Variants in FBXO34 observed in about 807,000 individuals in gnomAD.
The protein encoded by FBXO34 is F-box protein 34.
FBXO34 carries 12 observed loss-of-function variants against 24.5 expected under a neutral mutation model. The observed-to-expected ratio is 0.49, with a 90% CI of 0.31 to 0.79. FBXO34 has a LOEUF of 0.79. Among genes scored for constraint, FBXO34 ranks in the 30% least tolerant of loss-of-function variants. The pLI, the probability that FBXO34 is intolerant of heterozygous loss-of-function variation, is 0.04. For synonymous variants in FBXO34, 320 were observed against 311.9 expected, an observed-to-expected ratio of 1.03 and a Z score of -0.27; for missense variants, 823 against 857.7, an observed-to-expected ratio of 0.96 and a Z score of 0.51.
chr14:55,411,898 T>TA, the FBXO34 span: 7 of 1,340,032 alleles, frequency 5.2e-6, no homozygotes, highest in Non-Finnish European at 7.2e-6. Context: ...AGGAGGGGCC[T>TA]GGGGAAGGGG....
intron 1 of FBXO34, among the ~76,000 whole-genome samples, chr14:55,314,408 C>T (rs1464556867): frequency 1.3e-5 from 2 of 152,278 alleles, no homozygotes; most frequent in Non-Finnish European, 2.9e-5. Flanking sequence ...ACCAAATACA[C>T]ACCTTGGTGT....
the FBXO34 span, chr14:55,380,769 T>G: frequency 1.0e-6 from 1 of 967,172 alleles, no homozygotes; most frequent in South Asian, 1.6e-5. Flanking sequence ...TTATCATTTA[T>G]GATTTTATCA....
the FBXO34 span, among the ~76,000 whole-genome samples, chr14:55,423,360 A>G: frequency 1.3e-5 from 2 of 152,272 alleles, no homozygotes; most frequent in African/African-American, 4.8e-5. Flanking sequence ...TTCTAAGAAC[A>G]AAATGGACAT....
chr14:55,299,236 C>T (rs974014402), intron 1 of FBXO34: 2 of 846,324 alleles, frequency 2.4e-6, no homozygotes, highest in Non-Finnish European at 4.2e-6. Flanking sequence ...AGGAAGACGA[C>T]GACATGAAGG....
the FBXO34 span, among the ~76,000 whole-genome samples, chr14:55,409,069 A>G: frequency 6.6e-6 from 1 of 152,240 alleles, no homozygotes; most frequent in Non-Finnish European, 1.5e-5. Context: ...TCTGACTAAA[A>G]GAAGGGAGAT....
downstream of FBXO34, among the ~76,000 whole-genome samples, chr14:55,362,499 G>T (rs1370500622): frequency 6.6e-6 from 1 of 152,196 alleles, no homozygotes; most frequent in East Asian, 1.9e-4. Context: ...ACGGAGAGGT[G>T]TGACAAAGCA....
At chr14:55,302,446 C>CT (rs199946477) in intron 1 of FBXO34, among the ~76,000 whole-genome samples, 3,851 of 129,240 alleles carry the variant, frequency 0.03, 124 homozygotes, top group Non-Finnish European at 0.045. Flanking sequence ...TCTGTAGCCT[C>CT]TTTTTTGTTT....
intron 1 of FBXO34, among the ~76,000 whole-genome samples, chr14:55,345,724 G>A (rs1195023492): frequency 6.6e-6 from 1 of 152,216 alleles, no homozygotes; most frequent in Non-Finnish European, 1.5e-5. Flanking sequence ...AGGTAGGGCT[G>A]GGTGTGGTGG....
intron 1 of FBXO34, among the ~76,000 whole-genome samples, chr14:55,344,927 G>A (rs1884110728): frequency 6.6e-6 from 1 of 151,802 alleles, no homozygotes; most frequent in East Asian, 1.9e-4. Context: ...TTGCTTTTCT[G>A]TCTCAAGGGC....
chr14:55,288,403 G>A (rs550466779), intron 1 of FBXO34, among the ~76,000 whole-genome samples: 1 of 152,010 alleles, frequency 6.6e-6, no homozygotes, highest in Admixed American at 6.5e-5. Flanking sequence ...CCAAGACTTG[G>A]GCTACTGCAA....
the FBXO34 span, among the ~76,000 whole-genome samples, chr14:55,427,629 G>C: frequency 1.4e-4 from 22 of 152,068 alleles, no homozygotes; most frequent in African/African-American, 4.8e-4. Flanking sequence ...GTATATCTTG[G>C]TGAGTCAAGG....
rs35070799 is a variant in FBXO34, at chr14:55,351,685, T to C, written c.1295T>C (p.Val432Ala). Residue 432 changes from valine to alanine, a missense_variant, in exon 2 of 2, where the codon GTT becomes GCT. Val to Ala is a moderately conservative substitution (Grantham distance 64). This residue lies in a region of FBXO34 where 693 missense variants were observed against 659.1 expected (regional missense o/e 1.05). Transcript: ENST00000313833. Reference sequence around the variant, plus strand: ...GCCTCTGAATTGCCCACAGATGCTGTTGATTGTATGAGCAGAGAGCTTGTG... The same window carrying C: ...GCCTCTGAATTGCCCACAGATGCTGCTGATTGTATGAGCAGAGAGCTTGTG... ...SQASELPTDA[V>A]DCMSRELVSL... The C allele has an allele frequency of 0.075, 121,596 of 1,614,130 alleles. 4,971 individuals are homozygous for C. The highest frequency in any genetic ancestry group is 0.093 in the South Asian group (8,426 of 91,080).
the FBXO34 span, chr14:55,414,590 T>C: frequency 1.6e-6 from 1 of 633,376 alleles, no homozygotes; most frequent in African/African-American, 1.9e-5. Context: ...AAATGGCATT[T>C]ATTCCGGGTA....
chr14:55,322,766 T>G (rs1020923585), intron 1 of FBXO34, among the ~76,000 whole-genome samples: 2 of 152,136 alleles, frequency 1.3e-5, no homozygotes, highest in African/African-American at 2.4e-5. Flanking sequence ...TGTCAGTAAT[T>G]TATATCTTTA....
chr14:55,345,581 T>C (rs1234694330), intron 1 of FBXO34, among the ~76,000 whole-genome samples: 1 of 152,220 alleles, frequency 6.6e-6, no homozygotes, highest in Admixed American at 6.5e-5. Context: ...CACAGCACCC[T>C]GTGCTATCCT....
the FBXO34 span, chr14:55,386,234 A>G: frequency 1.4e-6 from 1 of 693,834 alleles, no homozygotes; most frequent in East Asian, 2.6e-5. Flanking sequence ...ATGTTCACTA[A>G]GTGGAAAATT....
At chr14:55,303,690 C>T (rs1025961000) in intron 1 of FBXO34, among the ~76,000 whole-genome samples, 10 of 150,380 alleles carry the variant, frequency 6.6e-5, no homozygotes, top group Admixed American at 2.0e-4. Flanking sequence ...TTTCCTTCTT[C>T]CTCATTTTGC....
At chr14:55,369,635 T>G, downstream of FBXO34, 1 of 1,529,752 alleles carries the variant, frequency 6.5e-7, no homozygotes, top group Non-Finnish European at 8.8e-7. Context: ...GTGTCCAGTG[T>G]AAGCTTTAAA....
intron 1 of FBXO34, among the ~76,000 whole-genome samples, chr14:55,310,259 A>T (rs934639102): frequency 6.6e-6 from 1 of 152,208 alleles, no homozygotes; most frequent in Admixed American, 6.5e-5. Context: ...AGTTGGTAAT[A>T]GCTATTAATG....
Sources: allele counts gnomAD v4.1 joint callset (sites outside exome capture counted in the v4.1 genomes callset), GRCh38; gene constraint gnomAD v4.1.1; regional missense constraint gnomAD v4.1.1; transcripts MANE v1.5; gene names NCBI Gene and HGNC (gene_info 2026-07-23, HGNC 2026-07-21).